Variants in FAM168B observed in about 807,000 individuals in gnomAD.
FAM168B encodes family with sequence similarity 168 member B.
Under a neutral mutation model 21.8 loss-of-function variants are expected in FAM168B, and 19 were observed. The observed-to-expected ratio is 0.87, with a 90% confidence interval of 0.61 to 1.28. FAM168B has a LOEUF of 1.28. Ranked by LOEUF, FAM168B falls within the 50% of genes most tolerant of loss-of-function variation. The pLI is 0.00. For synonymous variants in FAM168B, 126 were observed against 104.8 expected, an observed-to-expected ratio of 1.20 and a Z score of -1.24; for missense variants, 233 against 263.1, an observed-to-expected ratio of 0.89 and a Z score of 0.79.
intron 2 of FAM168B, among the ~76,000 whole-genome samples, chr2:131,075,069 G>T (rs937842080): frequency 6.6e-6 from 1 of 152,016 alleles, no homozygotes; most frequent in Non-Finnish European, 1.5e-5. Context: ...ATTAGTCAGA[G>T]AACAGAGTGT....
intron 1 of FAM168B, among the ~76,000 whole-genome samples, chr2:131,089,361 G>C (rs1693889637): frequency 6.6e-6 from 1 of 152,038 alleles, no homozygotes; most frequent in Non-Finnish European, 1.5e-5. Flanking sequence ...ACAAATGTCA[G>C]ATTACCTTTA....
intron 3 of FAM168B, among the ~76,000 whole-genome samples, chr2:131,060,235 A>T (rs1489149914): frequency 6.6e-6 from 1 of 152,202 alleles, no homozygotes; most frequent in Non-Finnish European, 1.5e-5. Flanking sequence ...CATATTGGCC[A>T]GGCTGGTGTC....
At chr2:131,053,284 G>A (rs1691809796) in intron 5 of FAM168B, among the ~76,000 whole-genome samples, 1 of 152,148 alleles carries the variant, frequency 6.6e-6, no homozygotes, top group Admixed American at 6.5e-5. Flanking sequence ...TAGGTCAGAT[G>A]ATAAACAAAT....
Position 131,048,235 on chromosome 2 carries a change from C to T in FAM168B, c.*4230G>A, listed in dbSNP as rs1024223900. ...TTACAATCCATGAGGCTCTCTAGGGCCTCTCCGTGTGGCCAGCACAGCAAC... is the reference window on the plus strand; with the variant it reads ...TTACAATCCATGAGGCTCTCTAGGGTCTCTCCGTGTGGCCAGCACAGCAAC... On this transcript the variant is annotated 3_prime_UTR_variant, in exon 7 of 7. Coordinates refer to ENST00000389915, the MANE Select transcript of FAM168B (RefSeq NM_001009993.4). 7.7e-7 allele frequency: 1 copy of T among 1,303,690 alleles called. No homozygotes were observed. Among genetic ancestry groups the T allele is most frequent in the Non-Finnish European group, 1.0e-6 (1 of 988,642 alleles). 80.8% of individuals were successfully genotyped at this position (1,303,690 alleles called of 1,614,324 possible). A position where few individuals can be genotyped will look rare whatever the true frequency, so the allele number is the denominator to read the frequency against.
At chr2:131,075,220 G>C (rs879084846) in intron 2 of FAM168B, among the ~76,000 whole-genome samples, 1 of 151,300 alleles carries the variant, frequency 6.6e-6, no homozygotes, top group African/African-American at 2.4e-5. Context: ...GTCTGGAACT[G>C]CCCTCAGAGA....
chr2:131,074,372 C>G (rs944093792), intron 2 of FAM168B, among the ~76,000 whole-genome samples: 1 of 152,142 alleles, frequency 6.6e-6, no homozygotes, highest in African/African-American at 2.4e-5. Flanking sequence ...CATAATCCGC[C>G]CTCCTCGGCC....
chr2:131,077,602 A>T (rs1015232130), intron 2 of FAM168B, among the ~76,000 whole-genome samples: 4 of 152,260 alleles, frequency 2.6e-5, no homozygotes, highest in African/African-American at 9.6e-5. Context: ...TAGGATCTAC[A>T]GCCTTGTTGA....
chr2:131,057,142 C>A (rs1692068540), intron 3 of FAM168B, among the ~76,000 whole-genome samples: 1 of 152,190 alleles, frequency 6.6e-6, no homozygotes, highest in African/African-American at 2.4e-5. Context: ...TGCAACTTTG[C>A]AAGCCAGAGA....
In FAM168B at chr2:131,051,963, G is replaced by C. The variant is rs1263793041; in HGVS notation, c.*502C>G. ...CTGGCAACCCACATCAACCCCAAAA[G>C]GTTGAAGAATCATCTAAGATATTTC... On this transcript the variant is annotated 3_prime_UTR_variant, in exon 7 of 7. Transcript: ENST00000389915. The C allele has an allele frequency of 7.1e-6, 7 of 985,386 alleles. No individual in the cohort carries two copies. Among genetic ancestry groups the C allele is most frequent in the East Asian group, 1.1e-4 (1 of 8,830 alleles). 61.0% of individuals were successfully genotyped at this position (985,386 alleles called of 1,614,324 possible). A position where few individuals can be genotyped will look rare whatever the true frequency, so the allele number is the denominator to read the frequency against.
intron 1 of FAM168B, among the ~76,000 whole-genome samples, chr2:131,086,120 C>T (rs1693685883): frequency 1.3e-5 from 2 of 152,060 alleles, no homozygotes; most frequent in Admixed American, 6.6e-5. Flanking sequence ...ATCCCTAGTC[C>T]CCTGTACTTT....
At chr2:131,076,384 G>A (rs1327933689) in intron 2 of FAM168B, among the ~76,000 whole-genome samples, 4 of 152,062 alleles carry the variant, frequency 2.6e-5, no homozygotes, top group South Asian at 2.1e-4. Flanking sequence ...CACCTTGGCC[G>A]GGCGCAGTGG....
At position 131,049,946 on chromosome 2, in the gene FAM168B, C is replaced by A; in HGVS notation, c.*2519G>T. 1 of 985,524 alleles carries A rather than the reference C, an allele frequency of 1.0e-6. No individual in the cohort carries two copies. The highest frequency in any genetic ancestry group is 1.2e-6 in the Non-Finnish European group (1 of 829,938). The allele number at this position is 985,524 out of a possible 1,614,324, so 61.0% of individuals were successfully genotyped here. ...TGTGACTATTTCCTAAGTCCAGATT[C>A]TTACCTGATATCTACCTTTCGTATC... On this transcript the variant is annotated 3_prime_UTR_variant, in exon 7 of 7. Transcript: ENST00000389915.
intron 3 of FAM168B, among the ~76,000 whole-genome samples, chr2:131,060,981 A>G (rs1470104779): frequency 6.6e-6 from 1 of 151,332 alleles, no homozygotes. Flanking sequence ...TCTCCTGAGT[A>G]GCTGGGACTA....
intron 3 of FAM168B, among the ~76,000 whole-genome samples, chr2:131,059,807 G>T (rs189536957): frequency 1.4e-4 from 21 of 152,282 alleles, no homozygotes; most frequent in Admixed American, 7.2e-4. Flanking sequence ...ATTTTTAGGT[G>T]TGACAATGAC....
At chr2:131,076,877 A>C (rs1693180974) in intron 2 of FAM168B, among the ~76,000 whole-genome samples, 1 of 151,936 alleles carries the variant, frequency 6.6e-6, no homozygotes. Flanking sequence ...CAGAATTGCA[A>C]ACTACAACTA....
At chr2:131,053,464 G>A (rs1287682921) in intron 5 of FAM168B, among the ~76,000 whole-genome samples, 39 of 152,210 alleles carry the variant, frequency 2.6e-4, no homozygotes, top group Admixed American at 2.5e-3. Flanking sequence ...CAGAAAGAAA[G>A]TAGAACAGGG....
At chr2:131,077,200 C>A (rs1216081058) in intron 2 of FAM168B, among the ~76,000 whole-genome samples, 10 of 141,546 alleles carry the variant, frequency 7.1e-5, no homozygotes, top group African/African-American at 2.7e-4. Flanking sequence ...GTGTATGTAA[C>A]GCTATTACAT....
intron 1 of FAM168B, among the ~76,000 whole-genome samples, chr2:131,085,321 CATTTT>C (rs1226534709): frequency 2.0e-5 from 3 of 152,140 alleles, no homozygotes; most frequent in Non-Finnish European, 4.4e-5. Flanking sequence ...ACAAAATGTG[CATTTT>C]ATGTCTGTCT....
At chr2:131,086,643 G>C (rs1693713709) in intron 1 of FAM168B, among the ~76,000 whole-genome samples, 1 of 152,170 alleles carries the variant, frequency 6.6e-6, no homozygotes, top group African/African-American at 2.4e-5. Flanking sequence ...TATGGTAAGT[G>C]AATTTTTAGT....
Sources: allele counts gnomAD v4.1 joint callset (sites outside exome capture counted in the v4.1 genomes callset), GRCh38; gene constraint gnomAD v4.1.1; transcripts MANE v1.5; gene names NCBI Gene and HGNC (gene_info 2026-07-23, HGNC 2026-07-21).